Variants in MIS18A observed in about 807,000 individuals in gnomAD.
The protein encoded by MIS18A is MIS18 kinetochore protein A.
MIS18A carries 14 observed loss-of-function variants against 25.0 expected under a neutral mutation model. The observed-to-expected ratio is 0.56, with a 90% confidence interval of 0.37 to 0.88. MIS18A has a LOEUF of 0.88. MIS18A is among the 40% of genes least tolerant of loss of function. The probability of loss-of-function intolerance (pLI) is 0.00; values close to 1 mark genes in which losing one functional copy is unlikely to be tolerated. For synonymous variants in MIS18A, 134 were observed against 118.6 expected (o/e 1.13, Z -0.84); for missense variants, 292 against 290.8 (o/e 1.00, Z -0.03).
the MIS18A span, among the ~76,000 whole-genome samples, chr21:32,206,739 T>C: frequency 6.6e-6 from 1 of 152,110 alleles, no homozygotes; most frequent in African/African-American, 2.4e-5. Flanking sequence ...CAGCAGACTT[T>C]CCCTGACTAA....
the MIS18A span, among the ~76,000 whole-genome samples, chr21:32,252,243 AGGAGGAGG>A: frequency 2.1e-5 from 1 of 48,064 alleles, no homozygotes; most frequent in East Asian, 6.9e-4. Flanking sequence ...AAGAAGAAGG[AGGAGGAGG>A]AGGAGGAGGA....
At chr21:32,260,701 G>T in the MIS18A span, 1 of 152,280 alleles carries the variant, frequency 6.6e-6, no homozygotes, top group Non-Finnish European at 1.5e-5. Context: ...GTTTGTTTTT[G>T]GTTTCATAAA....
At chr21:32,214,543 A>G in the MIS18A span, among the ~76,000 whole-genome samples, 2 of 152,214 alleles carry the variant, frequency 1.3e-5, no homozygotes, top group African/African-American at 4.8e-5. Context: ...CTTCTTAACC[A>G]TCTACATTTA....
the MIS18A span, among the ~76,000 whole-genome samples, chr21:32,257,513 T>C: frequency 1.3e-5 from 2 of 152,226 alleles, no homozygotes; most frequent in Admixed American, 6.5e-5. Context: ...CAGAATATTG[T>C]CTATGTCCAT....
the MIS18A span, among the ~76,000 whole-genome samples, chr21:32,253,804 G>A: frequency 2.6e-5 from 4 of 152,096 alleles, no homozygotes; most frequent in Non-Finnish European, 5.9e-5. Context: ...AAGCACCACA[G>A]CTTCCAAATT....
chr21:32,274,779 T>A, intron 2 of MIS18A, 51 bp downstream of exon 2: 1 of 1,442,174 alleles, frequency 6.9e-7, no homozygotes, highest in Non-Finnish European at 9.6e-7. Flanking sequence ...TTTAAAGATT[T>A]TTATTAAAGA....
chr21:32,269,737 G>A lies in MIS18A; in HGVS notation c.591C>T (p.Ser197=), dbSNP rs766818188. 6 of 1,609,008 alleles carry A rather than the reference G, an allele frequency of 3.7e-6. No individual in the cohort carries two copies. The East Asian group carries it at 6.7e-5, about 18-fold the overall frequency. ...TTAGAGACTTTTCTATTTCAACTCT[G>A]CTTTCAAGATTAAAAAGCTCTTTAT... ...SEDKELFNLE[S]RVEIEKSLTQ... The change falls in exon 4 of 5, where the codon AGC becomes AGT. Residue 197 remains serine (S), a synonymous_variant. Transcript: ENST00000290130.
the MIS18A span, among the ~76,000 whole-genome samples, chr21:32,156,020 G>T: frequency 2.6e-5 from 4 of 151,922 alleles, no homozygotes; most frequent in Non-Finnish European, 5.9e-5. Flanking sequence ...CTGAATTTTG[G>T]AGGATTCAGA....
chr21:32,192,329 G>T, the MIS18A span, among the ~76,000 whole-genome samples: 1 of 152,152 alleles, frequency 6.6e-6, no homozygotes, highest in Non-Finnish European at 1.5e-5. Flanking sequence ...CTCCAACCCT[G>T]CCCTGGGGTC....
the MIS18A span, among the ~76,000 whole-genome samples, chr21:32,230,251 A>T: frequency 6.6e-6 from 1 of 152,240 alleles, no homozygotes; most frequent in African/African-American, 2.4e-5. Flanking sequence ...TTTCAAGTAT[A>T]TCAAAATATA....
At chr21:32,278,483 G>T in intron 1 of MIS18A, 198 bp downstream of exon 1, 1 of 585,136 alleles carries the variant, frequency 1.7e-6, no homozygotes, top group Non-Finnish European at 2.9e-6. Flanking sequence ...CCCCAGAAAA[G>T]AACCCACCGC....
chr21:32,163,725 A>G, the MIS18A span, among the ~76,000 whole-genome samples: 2 of 152,128 alleles, frequency 1.3e-5, no homozygotes, highest in African/African-American at 2.4e-5. Flanking sequence ...TTTGGCCACT[A>G]TTGCATTGAT....
chr21:32,194,628 C>T, the MIS18A span, among the ~76,000 whole-genome samples: 12 of 151,332 alleles, frequency 7.9e-5, no homozygotes, highest in Non-Finnish European at 1.3e-4. Flanking sequence ...CATTGCACTC[C>T]AGCCTGGGCA....
intron 1 of MIS18A, among the ~76,000 whole-genome samples, chr21:32,276,038 G>A (rs926155576): frequency 6.6e-6 from 1 of 152,024 alleles, no homozygotes; most frequent in African/African-American, 2.4e-5. Context: ...AGACTACAAC[G>A]CCTTGCAGTT....
At chr21:32,235,771 A>C in the MIS18A span, among the ~76,000 whole-genome samples, 1 of 152,176 alleles carries the variant, frequency 6.6e-6, no homozygotes, top group Non-Finnish European at 1.5e-5. Context: ...CCATCATTGG[A>C]CTGCCTGTCC....
At chr21:32,206,582 A>C in the MIS18A span, among the ~76,000 whole-genome samples, 1 of 152,190 alleles carries the variant, frequency 6.6e-6, no homozygotes, top group Non-Finnish European at 1.5e-5. Flanking sequence ...TCAGCACTAA[A>C]TAACATTTAC....
chr21:32,189,454 A>C, the MIS18A span, among the ~76,000 whole-genome samples: 11 of 151,830 alleles, frequency 7.2e-5, no homozygotes, highest in South Asian at 1.9e-3. Context: ...AATTTTTATA[A>C]TTTTTGTCAA....
Position 32,278,801 on chromosome 21 carries a change from C to A in MIS18A, c.214G>T (p.Glu72Ter). 1 of 1,590,590 alleles carries A rather than the reference C, an allele frequency of 6.3e-7. No individual in the cohort carries two copies. The highest frequency in any genetic ancestry group is 8.5e-7 in the Non-Finnish European group (1 of 1,171,534). The change falls in exon 1 of 5, where the codon GAG (glutamate) becomes TAG (stop). Residue 72 changes from glutamate to a stop codon, truncating the protein, a stop_gained. Coordinates refer to ENST00000290130, the MANE Select transcript of MIS18A (RefSeq NM_018944.3). LOFTEE classifies it high-confidence loss of function. ...ADMERAQLEEEAAAAEERPLV... is the reference protein window; with the variant it reads ...ADMERAQLEE ...GGCCTCTCCTCCGCAGCCGCCGCCTCCTCCTCCAGCTGCGCCCTCTCCATG... is the reference window on the plus strand; with the variant it reads ...GGCCTCTCCTCCGCAGCCGCCGCCTACTCCTCCAGCTGCGCCCTCTCCATG...
At chr21:32,171,832 C>T in the MIS18A span, among the ~76,000 whole-genome samples, 1 of 151,834 alleles carries the variant, frequency 6.6e-6, no homozygotes, top group Non-Finnish European at 1.5e-5. Flanking sequence ...ATTGTTGAAA[C>T]AAATAAGAGA....
Sources: allele counts gnomAD v4.1 joint callset (sites outside exome capture counted in the v4.1 genomes callset), GRCh38; gene constraint gnomAD v4.1.1; transcripts MANE v1.5; gene names NCBI Gene and HGNC (gene_info 2026-07-23, HGNC 2026-07-21).